The following SNX18 variants were observed in gnomAD, a reference collection of about 807,000 sequenced individuals.
SNX18 encodes the protein sorting nexin-18.
SNX18 carries 35 observed loss-of-function variants against 48.7 expected under a neutral mutation model. The observed-to-expected ratio is 0.72, with a 90% confidence interval of 0.55 to 0.95. The LOEUF (loss-of-function observed/expected upper bound fraction) is 0.95. Among genes scored for constraint, SNX18 ranks in the 40% least tolerant of loss-of-function variants. SNX18 has a pLI of 0.00. For missense variants in SNX18, 824 were observed against 871.0 expected (o/e 0.95, Z 0.68); for synonymous variants, 492 against 384.7 (o/e 1.28, Z -3.26).
At position 54,517,784 on chromosome 5, in the gene SNX18, T is replaced by G. The variant is rs1380880425; in HGVS notation, c.-169T>G. 2 of 558,910 alleles carry G rather than the reference T, an allele frequency of 3.6e-6. No homozygotes were observed. Among genetic ancestry groups the G allele is most frequent in the Non-Finnish European group, 5.2e-6 (2 of 383,168 alleles). The allele number at this position is 558,910 out of a possible 1,614,324, so 34.6% of individuals were successfully genotyped here. A position where few individuals can be genotyped will look rare whatever the true frequency, so the allele number is the denominator to read the frequency against. On this transcript the variant is annotated 5_prime_UTR_variant, in exon 1 of 2. Coordinates refer to ENST00000381410, the MANE Select transcript of SNX18 (RefSeq NM_001102575.2). The stretch of plus-strand genomic sequence containing the variant: ...AGTCGGCGCTGCGAAGTGGAGGCGC[T>G]GCGAGCGGAGCCGCGCGGAGGGCGC...
At chr5:54,635,529 T>C in the SNX18 span, among the ~76,000 whole-genome samples, 2 of 152,216 alleles carry the variant, frequency 1.3e-5, no homozygotes, top group African/African-American at 4.8e-5. Flanking sequence ...TTCTTGCTGT[T>C]TGCCTTGTTT....
the SNX18 span, among the ~76,000 whole-genome samples, chr5:54,642,799 C>T: frequency 9.2e-5 from 14 of 152,302 alleles, no homozygotes; most frequent in Non-Finnish European, 1.5e-4. Context: ...AATACATTTG[C>T]TCCCTACTGT....
chr5:54,572,772 ATATTTTTTTTTTTTTTTTT>A, the SNX18 span, among the ~76,000 whole-genome samples: 1 of 92,168 alleles, frequency 1.1e-5, no homozygotes, highest in Non-Finnish European at 2.0e-5. Flanking sequence ...ATATATATAT[ATATTTTTTTTTTTTTTTTT>A]TTTTTTTTTT....
At chr5:54,530,104 C>G (rs555828105) in intron 1 of SNX18, among the ~76,000 whole-genome samples, 4 of 152,288 alleles carry the variant, frequency 2.6e-5, no homozygotes, top group Non-Finnish European at 5.9e-5. Context: ...GCTGTATCAC[C>G]TCAGTCTGTG....
chr5:54,530,940 A>G (rs1762244195), intron 1 of SNX18, among the ~76,000 whole-genome samples: 2 of 151,368 alleles, frequency 1.3e-5, no homozygotes, highest in African/African-American at 4.9e-5. Context: ...TTTAGTAGAG[A>G]CGAGGTTTCA....
the SNX18 span, among the ~76,000 whole-genome samples, chr5:54,616,286 A>G: frequency 7.9e-5 from 12 of 152,192 alleles, no homozygotes; most frequent in Admixed American, 2.6e-4. Context: ...CACATGACCT[A>G]TCTGGCTCGG....
At chr5:54,608,468 T>C in the SNX18 span, among the ~76,000 whole-genome samples, 6 of 152,202 alleles carry the variant, frequency 3.9e-5, no homozygotes, top group Non-Finnish European at 7.3e-5. Context: ...ACTCCTGGGC[T>C]CAAGTAATCC....
intron 1 of SNX18, among the ~76,000 whole-genome samples, chr5:54,539,228 A>C (rs1471713165): frequency 1.3e-5 from 2 of 149,892 alleles, no homozygotes; most frequent in Non-Finnish European, 3.0e-5. Flanking sequence ...CTTGCTTTGA[A>C]GTCAGTTATG....
the SNX18 span, among the ~76,000 whole-genome samples, chr5:54,640,271 T>C: frequency 4.2e-3 from 633 of 151,682 alleles, 7 homozygotes; most frequent in African/African-American, 0.015. Context: ...TGGAGTGCGG[T>C]AGCTCTATCT....
At chr5:54,574,705 C>T in the SNX18 span, among the ~76,000 whole-genome samples, 9 of 152,112 alleles carry the variant, frequency 5.9e-5, no homozygotes, top group Non-Finnish European at 8.8e-5. Flanking sequence ...TGCTAAGGAA[C>T]GAGAACCAGC....
At chr5:54,543,096 C>A in intron 1 of SNX18, 83 bp from the exon 2 acceptor site, 1 of 1,373,310 alleles carries the variant, frequency 7.3e-7, no homozygotes, top group Admixed American at 2.5e-5. Context: ...TTTATAATGC[C>A]CAAGATTCTG....
the SNX18 span, among the ~76,000 whole-genome samples, chr5:54,638,443 CTA>C: frequency 1.3e-5 from 2 of 152,202 alleles, no homozygotes; most frequent in African/African-American, 4.8e-5. Flanking sequence ...GGATGTCACA[CTA>C]TGCCTCATCT....
the SNX18 span, among the ~76,000 whole-genome samples, chr5:54,562,528 A>G: frequency 6.6e-6 from 1 of 152,144 alleles, no homozygotes; most frequent in Admixed American, 6.6e-5. Flanking sequence ...ACAAATTCCT[A>G]TAGCTTAGTG....
intron 1 of SNX18, among the ~76,000 whole-genome samples, chr5:54,536,498 C>G (rs1430717460): frequency 6.6e-6 from 1 of 151,696 alleles, no homozygotes; most frequent in South Asian, 2.1e-4. Context: ...TCTGTCCTTG[C>G]AGTAGTTTGC....
At chr5:54,567,195 G>A in the SNX18 span, among the ~76,000 whole-genome samples, 1 of 151,906 alleles carries the variant, frequency 6.6e-6, no homozygotes, top group South Asian at 2.1e-4. Context: ...AGACATGGAT[G>A]TGTGTATGTG....
At chr5:54,615,446 G>A in the SNX18 span, among the ~76,000 whole-genome samples, 1 of 150,928 alleles carries the variant, frequency 6.6e-6, no homozygotes, top group Non-Finnish European at 1.5e-5. Context: ...TCCAGCTTGG[G>A]TCATCTCCTC....
intron 1 of SNX18, among the ~76,000 whole-genome samples, chr5:54,525,185 G>T (rs1211083167): frequency 6.6e-6 from 1 of 152,208 alleles, no homozygotes; most frequent in Non-Finnish European, 1.5e-5. Context: ...AGAATTAAAT[G>T]TTATAGTTCA....
chr5:54,608,635 T>C, the SNX18 span, among the ~76,000 whole-genome samples: 2 of 152,194 alleles, frequency 1.3e-5, no homozygotes, highest in African/African-American at 4.8e-5. Context: ...TGTTATGAAA[T>C]CAGTGTTGAA....
chr5:54,604,514 A>C, the SNX18 span, among the ~76,000 whole-genome samples: 30 of 152,352 alleles, frequency 2.0e-4, 1 homozygote, highest in African/African-American at 7.0e-4. Context: ...AGCCAGAAAC[A>C]AAAGGACAGA....
Sources: allele counts gnomAD v4.1 joint callset (sites outside exome capture counted in the v4.1 genomes callset), GRCh38; gene constraint gnomAD v4.1.1; transcripts MANE v1.5; gene names NCBI Gene and HGNC (gene_info 2026-07-23, HGNC 2026-07-21).